The following NBAS variants were observed in gnomAD, a reference collection of about 807,000 sequenced individuals.
NBAS encodes the protein NAG/BC035112 fusion.
A neutral mutation model predicts 302.5 loss-of-function variants in NBAS; 219 were observed. The observed-to-expected ratio is 0.72, with a 90% confidence interval of 0.65 to 0.81. The LOEUF (loss-of-function observed/expected upper bound fraction) is 0.81, where lower values mean the gene tolerates loss of function less well. Ranked by LOEUF, NBAS falls within the 30% of genes least tolerant of loss-of-function variation. The pLI is 0.00. For missense variants in NBAS, 2,932 were observed against 2,841.6 expected (o/e 1.03, Z -0.72); for synonymous variants, 1,118 against 1,021.6 (o/e 1.09, Z -1.80).
At chr2:15,487,374 AG>A (rs1301247616) in intron 12 of NBAS, among the ~76,000 whole-genome samples, 2 of 152,224 alleles carry the variant, frequency 1.3e-5, no homozygotes, top group Admixed American at 6.5e-5. Flanking sequence ...CGGTATATGC[AG>A]GGTTCCAGGT....
At chr2:14,902,940 C>T in the NBAS span, among the ~76,000 whole-genome samples, 2 of 151,960 alleles carry the variant, frequency 1.3e-5, no homozygotes, top group African/African-American at 4.8e-5. Flanking sequence ...AATAGGCAGT[C>T]ACATGGGTAA....
At chr2:15,120,516 T>TA in the NBAS span, among the ~76,000 whole-genome samples, 980 of 145,486 alleles carry the variant, frequency 6.7e-3, 6 homozygotes, top group African/African-American at 0.02. Context: ...CTTTTCAGGT[T>TA]AAAAAAAAAA....
chr2:15,085,732 C>T, the NBAS span, among the ~76,000 whole-genome samples: 1 of 152,170 alleles, frequency 6.6e-6, no homozygotes, highest in Non-Finnish European at 1.5e-5. Context: ...GAAGTGCCTG[C>T]TCCCACTACC....
the NBAS span, among the ~76,000 whole-genome samples, chr2:15,091,456 T>C: frequency 2.0e-5 from 3 of 152,246 alleles, no homozygotes; most frequent in Non-Finnish European, 4.4e-5. Context: ...GAATGGGAAA[T>C]ATATTTTCTC....
At position 15,396,458 on chromosome 2, in the gene NBAS, G is replaced by A; in HGVS notation, c.3089C>T (p.Thr1030Ile). 6.2e-7 allele frequency: 1 copy of A among 1,600,626 alleles called. No individual in the cohort carries two copies. Among genetic ancestry groups the A allele is most frequent in the Non-Finnish European group, 8.5e-7 (1 of 1,174,538 alleles). The change falls in exon 27 of 52, where the codon ACC becomes ATC. Residue 1030 changes from threonine (T) to isoleucine (I), a missense_variant. Coordinates refer to ENST00000281513, the MANE Select transcript of NBAS (RefSeq NM_015909.4). ...ERGYGDKTEATTKLHDMVDQL... is the reference protein window; with the variant it reads ...ERGYGDKTEAITKLHDMVDQL... ...GTCTACCATGTCATGAAGCTTTGTGGTTGCCTCTGTCTTATCACTAATAAA... is the reference window on the plus strand; with the variant it reads ...GTCTACCATGTCATGAAGCTTTGTGATTGCCTCTGTCTTATCACTAATAAA...
At chr2:14,906,628 G>T in the NBAS span, among the ~76,000 whole-genome samples, 4 of 152,126 alleles carry the variant, frequency 2.6e-5, no homozygotes, top group Non-Finnish European at 5.9e-5. Flanking sequence ...AACTCGACAG[G>T]GGCAGAAGCC....
chr2:14,988,821 C>G, the NBAS span, among the ~76,000 whole-genome samples: 2 of 152,066 alleles, frequency 1.3e-5, no homozygotes, highest in African/African-American at 4.8e-5. Context: ...AACTGATAAA[C>G]CCCTAGTACT....
chr2:14,973,726 C>G, the NBAS span, among the ~76,000 whole-genome samples: 4 of 152,164 alleles, frequency 2.6e-5, no homozygotes, highest in Admixed American at 1.3e-4. Context: ...TACTGTGTGC[C>G]ATTATAATCC....
At chr2:15,021,305 G>C in the NBAS span, among the ~76,000 whole-genome samples, 2,705 of 152,148 alleles carry the variant, frequency 0.018, 96 homozygotes, top group African/African-American at 0.062. Flanking sequence ...GCAGAGTCCA[G>C]TAGGAGAGAC....
chr2:14,806,700 T>C, the NBAS span, among the ~76,000 whole-genome samples: 1 of 152,186 alleles, frequency 6.6e-6, no homozygotes, highest in African/African-American at 2.4e-5. Context: ...ATCTAAATCA[T>C]TGTCCTGATT....
At chr2:15,190,687 C>T (rs1444833029) in intron 48 of NBAS, among the ~76,000 whole-genome samples, 7 of 152,092 alleles carry the variant, frequency 4.6e-5, no homozygotes, top group East Asian at 1.9e-4. Context: ...ATTTAATACA[C>T]GTTAAGAGAC....
At chr2:15,342,973 A>G (rs183153226) in intron 35 of NBAS, among the ~76,000 whole-genome samples, 2 of 128,946 alleles carry the variant, frequency 1.6e-5, no homozygotes, top group East Asian at 4.1e-4. Flanking sequence ...CTGAGCACAG[A>G]AAAAAAAAAA....
At chr2:15,473,188 C>T (rs375581175) in intron 16 of NBAS, 34 bp downstream of exon 16, 4 of 1,609,174 alleles carry the variant, frequency 2.5e-6, no homozygotes, top group African/African-American at 1.3e-5. Context: ...CATGAATATA[C>T]ATTTTACCAC....
the NBAS span, among the ~76,000 whole-genome samples, chr2:15,051,765 G>A: frequency 2.0e-5 from 3 of 152,158 alleles, no homozygotes; most frequent in Admixed American, 6.5e-5. Flanking sequence ...TTCTGTCACC[G>A]TGGGACTTCC....
At chr2:14,784,622 T>C in the NBAS span, among the ~76,000 whole-genome samples, 5 of 152,148 alleles carry the variant, frequency 3.3e-5, no homozygotes, top group Non-Finnish European at 7.4e-5. Flanking sequence ...AAAGATCAGA[T>C]AGTTGTAGAT....
chr2:15,383,296 A>T lies in NBAS; in HGVS notation c.3279T>A (p.Ser1093=). 1.9e-6 allele frequency: 3 copies of T among 1,614,032 alleles called. No homozygotes were observed. Among genetic ancestry groups the T allele is most frequent in the Non-Finnish European group, 2.5e-6 (3 of 1,179,956 alleles). The change falls in exon 29 of 52, where the codon TCT becomes TCA. Residue 1093 remains serine (S), a synonymous_variant. Coordinates refer to ENST00000281513, the MANE Select transcript of NBAS (RefSeq NM_015909.4). ...TGRKQPPVSE[S]HWRTLLQDML... is the part of the protein sequence containing the mutation. ...TGTCTTGCAGCAACGTTCTCCAATG[A>T]GACTCACTGACAGGAGGCTGCCTGG...
intron 28 of NBAS, 33 bp from the exon 29 acceptor site, chr2:15,383,350 G>A: frequency 6.3e-7 from 1 of 1,580,942 alleles, no homozygotes. Context: ...CAAGGAAGAG[G>A]GAAAGAAAAC....
chr2:15,122,888 G>T, the NBAS span, among the ~76,000 whole-genome samples: 3 of 152,206 alleles, frequency 2.0e-5, no homozygotes, highest in Non-Finnish European at 4.4e-5. Context: ...GCCTGCTGAA[G>T]CTGAGGCTGA....
At chr2:15,094,676 G>GGGCT in the NBAS span, among the ~76,000 whole-genome samples, 4 of 152,168 alleles carry the variant, frequency 2.6e-5, no homozygotes, top group African/African-American at 9.6e-5. Flanking sequence ...GCGGACTGAT[G>GGGCT]GGCTACAAGA....
Sources: gnomAD v4.1 joint callset for allele counts (sites outside exome capture counted in the v4.1 genomes callset) on GRCh38, gnomAD v4.1.1 for gene constraint, MANE v1.5 for transcripts, NCBI Gene and HGNC (gene_info 2026-07-23, HGNC 2026-07-21) for gene names.